The following NBEAL1 variants were observed in gnomAD, a reference collection of about 807,000 sequenced individuals.
The protein encoded by NBEAL1 is neurobeachin-like protein 1.
Under a neutral mutation model 351.3 loss-of-function variants are expected in NBEAL1, and 273 were observed. The ratio of observed to expected loss-of-function variants is 0.78; its 90% CI spans 0.70 to 0.86. The LOEUF (loss-of-function observed/expected upper bound fraction) is 0.86. Among genes scored for constraint, NBEAL1 ranks in the 40% least tolerant of loss-of-function variants. The pLI is 0.00. For synonymous variants in NBEAL1, 1,050 were observed against 1,086.4 expected (o/e 0.97, Z 0.66); for missense variants, 2,961 against 3,201.3 (o/e 0.92, Z 1.81).
intron 42 of NBEAL1, 141 bp from the exon 43 acceptor site, chr2:203,180,241 G>A: frequency 1.6e-6 from 1 of 614,416 alleles, no homozygotes; most frequent in African/African-American, 1.9e-5. Context: ...AGAGTAAATT[G>A]TACATGTAGG....
chr2:203,146,785 C>G (rs530436795), intron 33 of NBEAL1, among the ~76,000 whole-genome samples: 1 of 151,870 alleles, frequency 6.6e-6, no homozygotes, highest in Non-Finnish European at 1.5e-5. Context: ...CAGCAAGACT[C>G]GGTCTCAAGA....
At chr2:203,066,923 C>T (rs1313112023) in intron 6 of NBEAL1, among the ~76,000 whole-genome samples, 1 of 142,490 alleles carries the variant, frequency 7.0e-6, no homozygotes, top group African/African-American at 2.6e-5. Flanking sequence ...CTCCCCACCT[C>T]CCAGACAAAG....
rs920418108 is a variant in NBEAL1 at position 203,034,599 on chromosome 2, C to T, written c.52-7166C>T. 4.1e-5 allele frequency among the ~76,000 whole-genome samples: 6 copies of T among 147,870 alleles called. 1 individual carries two copies. In the South Asian group the frequency reaches 1.1e-3, roughly 26 times the overall value. On this transcript the variant is annotated intron_variant, in intron 2 of 55. Coordinates refer to ENST00000683969, the MANE Select transcript of NBEAL1 (RefSeq NM_001378026.1). ...TCAGCCTCCCGAGTAGCTGGGATTA[C>T]AGGCATGCACCACCACTCCTAATTT... is the stretch of plus-strand genomic sequence containing the variant.
At chr2:203,102,377 T>C (rs2062345186) in intron 12 of NBEAL1, among the ~76,000 whole-genome samples, 2 of 152,214 alleles carry the variant, frequency 1.3e-5, no homozygotes. Flanking sequence ...AGGGTATCCC[T>C]GTCTTATTCT....
chr2:203,024,204 A>T (rs2105999539), intron 2 of NBEAL1, among the ~76,000 whole-genome samples: 1 of 151,374 alleles, frequency 6.6e-6, no homozygotes, highest in African/African-American at 2.4e-5. Flanking sequence ...TCACACAAAA[A>T]AAAAAAAAGA....
intron 4 of NBEAL1, among the ~76,000 whole-genome samples, chr2:203,050,484 T>C (rs1379949066): frequency 1.3e-5 from 2 of 152,184 alleles, no homozygotes; most frequent in Non-Finnish European, 2.9e-5. Context: ...TGACAGTTTT[T>C]CTTCAGCAAG....
At chr2:203,094,188 T>G (rs2062128945) in intron 10 of NBEAL1, among the ~76,000 whole-genome samples, 1 of 152,180 alleles carries the variant, frequency 6.6e-6, no homozygotes, top group Non-Finnish European at 1.5e-5. Context: ...TACTGGAACT[T>G]AAGGTCACAG....
At chr2:203,205,640 T>C (rs746398668) in intron 51 of NBEAL1, among the ~76,000 whole-genome samples, 7 of 152,246 alleles carry the variant, frequency 4.6e-5, no homozygotes, top group Non-Finnish European at 1.5e-5. Context: ...ATATTGTTAT[T>C]ACACTTTACT....
Position 203,208,669 on chromosome 2 carries a change from T to C in NBEAL1, c.7539T>C (p.Pro2513=). Residue 2513 remains proline, a synonymous_variant, in exon 52 of 56, where the codon CCT becomes CCC. Coordinates refer to ENST00000683969, the MANE Select transcript of NBEAL1 (RefSeq NM_001378026.1). ...GGVPVGLASK[P]FQILYGHTNE... Reference sequence around the variant, plus strand: ...TTCCTGTGGGCTTAGCATCTAAACCTTTTCAGATTCTTTATGGACACACCA... The same window carrying C: ...TTCCTGTGGGCTTAGCATCTAAACCCTTTCAGATTCTTTATGGACACACCA... 1 of 1,611,836 alleles carries C rather than the reference T, an allele frequency of 6.2e-7. No homozygotes were observed. The highest frequency in any genetic ancestry group is 1.7e-5 in the Admixed American group (1 of 59,388).
intron 10 of NBEAL1, among the ~76,000 whole-genome samples, chr2:203,090,938 A>G (rs2062052309): frequency 6.6e-6 from 1 of 152,008 alleles, no homozygotes; most frequent in African/African-American, 2.4e-5. Context: ...AAGGAAAGGG[A>G]AAGGGAAGGG....
At chr2:203,213,701 C>G (rs371783205) in intron 55 of NBEAL1, 48 bp downstream of exon 55, 89 of 1,607,878 alleles carry the variant, frequency 5.5e-5, no homozygotes, top group Middle Eastern at 1.6e-4. Context: ...TTGGGGATTA[C>G]TTTGGTTCTC....
intron 33 of NBEAL1, among the ~76,000 whole-genome samples, 178 bp from the exon 34 acceptor site, chr2:203,148,813 A>G (rs1056135177): frequency 6.6e-6 from 1 of 151,946 alleles, no homozygotes; most frequent in Non-Finnish European, 1.5e-5. Context: ...AGGTAAAATT[A>G]TATCACACTT....
chr2:203,212,212 C>T (rs2065806948), intron 54 of NBEAL1, among the ~76,000 whole-genome samples: 1 of 152,006 alleles, frequency 6.6e-6, no homozygotes, highest in South Asian at 2.1e-4. Context: ...TTCTTACCCA[C>T]CACTCACTTA....
At chr2:203,187,602 G>A (rs1244872479) in intron 44 of NBEAL1, among the ~76,000 whole-genome samples, 4 of 151,674 alleles carry the variant, frequency 2.6e-5, no homozygotes, top group South Asian at 2.1e-4. Flanking sequence ...TTAGCTGGGC[G>A]TGGTGGCAGG....
At chr2:203,017,358 A>G (rs974568408) in intron 2 of NBEAL1, among the ~76,000 whole-genome samples, 2 of 152,184 alleles carry the variant, frequency 1.3e-5, no homozygotes, top group African/African-American at 4.8e-5. Flanking sequence ...GGTCTCATTT[A>G]TCTGTCATAT....
chr2:203,150,967 G>A (rs571517559), intron 34 of NBEAL1, among the ~76,000 whole-genome samples: 17 of 152,232 alleles, frequency 1.1e-4, no homozygotes, highest in African/African-American at 3.1e-4. Context: ...GTGCAGCTAC[G>A]CATACTCACT....
intron 3 of NBEAL1, 136 bp from the exon 4 acceptor site, chr2:203,049,678 C>T (rs1054558651): frequency 1.5e-6 from 1 of 662,958 alleles, no homozygotes; most frequent in East Asian, 2.8e-5. Flanking sequence ...GTGTTGCAGA[C>T]GAGAAGGCAC....
chr2:203,032,450 G>T (rs1168255981), intron 2 of NBEAL1, among the ~76,000 whole-genome samples: 1 of 151,850 alleles, frequency 6.6e-6, no homozygotes, highest in African/African-American at 2.4e-5. Flanking sequence ...GGGGTCAGGA[G>T]ATCAAGACAA....
intron 36 of NBEAL1, among the ~76,000 whole-genome samples, chr2:203,164,303 C>T (rs932721023): frequency 6.6e-6 from 1 of 151,878 alleles, no homozygotes; most frequent in Admixed American, 6.6e-5. Context: ...CCTTTGGTGG[C>T]ATAATCAGGA....
Sources: allele counts gnomAD v4.1 joint callset (sites outside exome capture counted in the v4.1 genomes callset), GRCh38; gene constraint gnomAD v4.1.1; transcripts MANE v1.5; gene names NCBI Gene and HGNC (gene_info 2026-07-23, HGNC 2026-07-21).